GRIN2B: variants seen among roughly 807,000 people sequenced by gnomAD.
GRIN2B encodes glutamate receptor ionotropic, NMDA 2B.
In GRIN2B, 5 loss-of-function variants were observed where a neutral mutation model predicts 114.5. That is an observed-to-expected ratio of 0.04 (90% CI 0.02 to 0.09). GRIN2B has a LOEUF of 0.09. Among genes scored for constraint, GRIN2B ranks in the 10% least tolerant of loss-of-function variants. The probability of loss-of-function intolerance (pLI) is 1.00; values close to 1 mark genes in which losing one functional copy is unlikely to be tolerated. For missense variants in GRIN2B, 1,108 were observed against 1,943.5 expected (o/e 0.57, Z 8.08); for synonymous variants, 787 against 745.1 (o/e 1.06, Z -0.92).
intron 10 of GRIN2B, among the ~76,000 whole-genome samples, chr12:13,573,005 G>C (rs1948726208): frequency 8.0e-6 from 1 of 125,450 alleles, no homozygotes; most frequent in South Asian, 2.1e-4. Flanking sequence ...GATTGAAACA[G>C]ATACGGATTG....
At chr12:13,940,505 C>T (rs1565594201) in intron 2 of GRIN2B, among the ~76,000 whole-genome samples, 1 of 151,724 alleles carries the variant, frequency 6.6e-6, no homozygotes, top group African/African-American at 2.4e-5. Context: ...ACCAAAATGA[C>T]GAAGTGGGAG....
Position 13,968,329 on chromosome 12 carries a change from T to C in GRIN2B, c.-19+11599A>G, listed in dbSNP as rs117520898. Among the ~76,000 whole-genome samples the C allele has an allele frequency of 3.8e-3, 584 of 152,356 alleles. 2 individuals are homozygous for C. Among genetic ancestry groups the C allele is most frequent in the Non-Finnish European group, 5.5e-3 (371 of 68,040 alleles). ...ATAGCCCATGTGTATATTACGCTTA[T>C]GGTTGAGGAGATTTTTTACATTTCC... On this transcript the variant is annotated intron_variant, in intron 2 of 13. Coordinates refer to ENST00000609686, the MANE Select transcript of GRIN2B (RefSeq NM_000834.5).
intron 2 of GRIN2B, among the ~76,000 whole-genome samples, chr12:13,953,328 G>A (rs1405854950): frequency 3.3e-5 from 5 of 152,094 alleles, no homozygotes; most frequent in African/African-American, 1.2e-4. Context: ...GATACAAGGG[G>A]AGGGGGCTGG....
chr12:13,717,064 CGCGTGTGT>C (rs1950461489), intron 4 of GRIN2B, among the ~76,000 whole-genome samples: 1 of 61,892 alleles, frequency 1.6e-5, no homozygotes, highest in African/African-American at 7.1e-5. Flanking sequence ...TCATGCCATA[CGCGTGTGT>C]GTGTGTGTGT....
intron 2 of GRIN2B, among the ~76,000 whole-genome samples, chr12:13,922,797 C>T (rs1866845638): frequency 6.6e-6 from 1 of 152,186 alleles, no homozygotes. Flanking sequence ...AACGCCTCCT[C>T]CAGTGGATAA....
chr12:13,570,028 A>C lies in GRIN2B; in HGVS notation c.2172-11T>G, dbSNP rs1252878747. On this transcript the variant is annotated splice_polypyrimidine_tract_variant and intron_variant, in intron 11 of 13. Coordinates refer to ENST00000609686, the MANE Select transcript of GRIN2B (RefSeq NM_000834.5). ...AAGGCATCCAGTTTCCTGTACAGGA[A>C]AAAAGCAAACAAATCCAATGGAGGA... 1.2e-6 allele frequency: 2 copies of C among 1,601,200 alleles called. No homozygotes were observed. The highest frequency in any genetic ancestry group is 1.7e-5 in the Admixed American group (1 of 59,978).
chr12:13,799,932 C>T (rs1241614714), intron 3 of GRIN2B, among the ~76,000 whole-genome samples: 1 of 152,090 alleles, frequency 6.6e-6, no homozygotes, highest in African/African-American at 2.4e-5. Flanking sequence ...TTGCTGCCTG[C>T]CTGGAAGAAA....
intron 9 of GRIN2B, chr12:13,609,903 G>A (rs937835655): frequency 6.6e-6 from 1 of 152,356 alleles, no homozygotes; most frequent in Middle Eastern, 3.4e-3. Context: ...CCTTTGCATA[G>A]ACAGTGCTTG....
chr12:13,766,114 A>G (rs544033383), intron 3 of GRIN2B, among the ~76,000 whole-genome samples: 61 of 152,356 alleles, frequency 4.0e-4, no homozygotes, highest in Non-Finnish European at 7.2e-4. Flanking sequence ...ACATGCATAC[A>G]ACTGATTCTT....
intron 4 of GRIN2B, among the ~76,000 whole-genome samples, chr12:13,742,023 A>G (rs1863296425): frequency 6.6e-6 from 1 of 152,252 alleles, no homozygotes. Context: ...TCTTGATTAT[A>G]GGAAGCATTT....
rs531864935 is a variant in GRIN2B at position 13,563,923 on chromosome 12, G to A, written c.3315C>T (p.Ile1105=). 2.5e-6 allele frequency: 4 copies of A among 1,614,150 alleles called. No homozygotes were observed. Among genetic ancestry groups the A allele is most frequent in the South Asian group, 1.1e-5 (1 of 91,080 alleles). ...GCGGTCGGCGACGGTAGGCCAGCTC[G>A]ATCTCGTCAAACTCCCTGCGGGACT... The part of the protein sequence containing the change: ...SAKSRREFDE[I]ELAYRRRPPR... Residue 1105 remains isoleucine, a synonymous_variant, in exon 14 of 14, where the codon ATC becomes ATT. Transcript: ENST00000609686.
chr12:13,623,548 G>T (rs141797432), intron 5 of GRIN2B, among the ~76,000 whole-genome samples: 1 of 152,162 alleles, frequency 6.6e-6, no homozygotes, highest in Non-Finnish European at 1.5e-5. Context: ...CACAGTGAGC[G>T]CAAGCACCTT....
chr12:13,828,094 G>A (rs564821763), intron 3 of GRIN2B, among the ~76,000 whole-genome samples: 1 of 152,330 alleles, frequency 6.6e-6, no homozygotes, highest in South Asian at 2.1e-4. Context: ...GTGTATGTGT[G>A]TATGTGCATG....
chr12:13,649,677 T>C (rs920561733), intron 5 of GRIN2B, among the ~76,000 whole-genome samples: 2 of 152,068 alleles, frequency 1.3e-5, no homozygotes, highest in African/African-American at 2.4e-5. Flanking sequence ...CAAGATATCA[T>C]ACCAGTGGAC....
chr12:13,844,854 T>C (rs1865443352), intron 3 of GRIN2B, among the ~76,000 whole-genome samples: 1 of 152,186 alleles, frequency 6.6e-6, no homozygotes, highest in Non-Finnish European at 1.5e-5. Context: ...TAAAACATCA[T>C]GAAAGGTAAT....
At chr12:13,700,305 T>C (rs1294803662) in intron 4 of GRIN2B, among the ~76,000 whole-genome samples, 2 of 152,222 alleles carry the variant, frequency 1.3e-5, no homozygotes, top group Admixed American at 1.3e-4. Context: ...GGAATTTTTC[T>C]ACTACAATGA....
At chr12:13,725,449 A>G (rs1862966143) in intron 4 of GRIN2B, among the ~76,000 whole-genome samples, 2 of 152,072 alleles carry the variant, frequency 1.3e-5, no homozygotes, top group Admixed American at 1.3e-4. Flanking sequence ...TCCTAGTCAT[A>G]CAGCTGGGGA....
intron 10 of GRIN2B, among the ~76,000 whole-genome samples, chr12:13,587,554 C>A (rs1215684906): frequency 6.6e-6 from 1 of 151,924 alleles, no homozygotes; most frequent in East Asian, 1.9e-4. Flanking sequence ...AGATATTTGT[C>A]TTGTTGCCCA....
intron 2 of GRIN2B, among the ~76,000 whole-genome samples, chr12:13,953,210 C>T (rs552440050): frequency 2.0e-5 from 3 of 152,132 alleles, no homozygotes; most frequent in Admixed American, 1.3e-4. Context: ...ACAAATGAAC[C>T]GAGGGAACCA....
Sources: allele counts gnomAD v4.1 joint callset (sites outside exome capture counted in the v4.1 genomes callset), GRCh38; gene constraint gnomAD v4.1.1; transcripts MANE v1.5; gene names NCBI Gene and HGNC (gene_info 2026-07-23, HGNC 2026-07-21).